Variants in PICALM observed in about 807,000 individuals in gnomAD.
The protein encoded by PICALM is phosphatidylinositol-binding clathrin assembly protein.
Under a neutral mutation model 80.5 loss-of-function variants are expected in PICALM, and 40 were observed. The observed-to-expected ratio is 0.50, with a 90% CI of 0.39 to 0.65. PICALM has a LOEUF of 0.65. Ranked by LOEUF, PICALM falls within the 30% of genes least tolerant of loss-of-function variation. The probability of loss-of-function intolerance (pLI) is 0.00; values close to 1 mark genes in which losing one functional copy is unlikely to be tolerated. For synonymous variants in PICALM, 288 were observed against 260.3 expected (o/e 1.11, Z -1.02); for missense variants, 676 against 778.9 (o/e 0.87, Z 1.57).
chr11:85,957,672 C>A lies in PICALM; in HGVS notation c.*1374G>T. On this transcript the variant is annotated 3_prime_UTR_variant, in exon 20 of 20. Transcript: ENST00000393346. Reference sequence around the variant, plus strand: ...TGAAAATGCATCTCAGACCAGAATACCATAACAAAACTTTTGTGGAAGCTG... The same window carrying A: ...TGAAAATGCATCTCAGACCAGAATAACATAACAAAACTTTTGTGGAAGCTG... 5.0e-6 allele frequency: 1 copy of A among 199,486 alleles called. No homozygotes were observed. Among genetic ancestry groups the A allele is most frequent in the Non-Finnish European group, 1.0e-5 (1 of 96,334 alleles). The allele number at this position is 199,486 out of a possible 1,614,324, so 12.4% of individuals were successfully genotyped here. A position where few individuals can be genotyped will look rare whatever the true frequency, so the allele number is the denominator to read the frequency against.
intron 19 of PICALM, among the ~76,000 whole-genome samples, chr11:85,968,578 T>C (rs188709109): frequency 3.2e-4 from 49 of 152,328 alleles, no homozygotes; most frequent in Admixed American, 1.1e-3. Flanking sequence ...ACTATAACTG[T>C]CTTCATGCTT....
Position 86,004,112 on chromosome 11 carries a change from T to C in PICALM, c.808-661A>G, listed in dbSNP as rs1039769460. Among the ~76,000 whole-genome samples the C allele has an allele frequency of 6.6e-5, 10 of 152,292 alleles. No homozygotes were observed. In the East Asian group the frequency reaches 1.9e-3, roughly 29 times the overall value. ...TACCCCAAAGAGATAAAAACTTATCTCTGTAAGAAAAGACTTAATGTTTAA... is the reference window on the plus strand; with the variant it reads ...TACCCCAAAGAGATAAAAACTTATCCCTGTAAGAAAAGACTTAATGTTTAA... On this transcript the variant is annotated intron_variant, in intron 8 of 19. Transcript: ENST00000393346.
chr11:85,964,166 T>C (rs2093794951), intron 19 of PICALM, among the ~76,000 whole-genome samples: 1 of 152,074 alleles, frequency 6.6e-6, no homozygotes, highest in Non-Finnish European at 1.5e-5. Context: ...CTAGTGGAAT[T>C]AAAAGCTTAT....
intron 4 of PICALM, among the ~76,000 whole-genome samples, chr11:86,015,775 T>C (rs648270): frequency 0.82 from 124,643 of 152,108 alleles, 51,275 homozygotes; most frequent in African/African-American, 0.89. Flanking sequence ...TACTGTTTGG[T>C]TGAGTAACAA....
rs187815819 is a variant in PICALM, at chr11:86,004,397, G to T, written c.808-946C>A. On this transcript the variant is annotated intron_variant, in intron 8 of 19. Transcript: ENST00000393346. ...ATCAAAACAGTGACTGTGGAGGTGG[G>T]TAAGAAGTGACTGGAAGGGGGCATA... Among the ~76,000 whole-genome samples the T allele has an allele frequency of 6.6e-5, 10 of 152,226 alleles. No homozygotes were observed. In the East Asian group the frequency reaches 1.9e-3, roughly 29 times the overall value.
At chr11:86,049,827 T>TAA (rs113468454) in intron 1 of PICALM, among the ~76,000 whole-genome samples, 50 of 140,672 alleles carry the variant, frequency 3.6e-4, no homozygotes, top group African/African-American at 1.2e-3. Context: ...TTAGAGAAGT[T>TAA]AAAAAAAAAA....
intron 1 of PICALM, among the ~76,000 whole-genome samples, chr11:86,057,772 T>C (rs1032476636): frequency 4.6e-5 from 7 of 152,186 alleles, no homozygotes; most frequent in African/African-American, 1.7e-4. Flanking sequence ...GCACTTATAT[T>C]GTATTAGGCA....
chr11:85,992,470 A>T (rs540809514), intron 12 of PICALM, among the ~76,000 whole-genome samples: 30 of 151,872 alleles, frequency 2.0e-4, no homozygotes, highest in Non-Finnish European at 2.9e-5. Flanking sequence ...TTTTTAGTAG[A>T]GACGGGGGTT....
intron 1 of PICALM, among the ~76,000 whole-genome samples, chr11:86,053,350 C>T (rs946575945): frequency 1.3e-5 from 2 of 152,194 alleles, no homozygotes; most frequent in African/African-American, 2.4e-5. Flanking sequence ...GGACCTGTAA[C>T]CAATCAGACT....
intron 1 of PICALM, among the ~76,000 whole-genome samples, chr11:86,059,729 T>TGTG (rs1479867223): frequency 6.6e-6 from 1 of 152,090 alleles, no homozygotes. Context: ...GACACTACAC[T>TGTG]CCAGCTTGGG....
intron 1 of PICALM, among the ~76,000 whole-genome samples, chr11:86,062,556 G>C (rs1164355716): frequency 6.6e-6 from 1 of 151,880 alleles, no homozygotes; most frequent in Non-Finnish European, 1.5e-5. Flanking sequence ...ATGGACTTTG[G>C]GTGGTAAAGA....
intron 3 of PICALM, among the ~76,000 whole-genome samples, chr11:86,025,805 C>T (rs1264106056): frequency 6.6e-6 from 1 of 152,060 alleles, no homozygotes; most frequent in Non-Finnish European, 1.5e-5. Flanking sequence ...GTGACCCACC[C>T]GCCTCAGCCT....
At chr11:86,045,950 G>A (rs577679320) in intron 1 of PICALM, among the ~76,000 whole-genome samples, 9 of 152,072 alleles carry the variant, frequency 5.9e-5, no homozygotes, top group Non-Finnish European at 1.3e-4. Flanking sequence ...TCCTAAACTT[G>A]ACAAACACTG....
chr11:86,011,029 C>A lies in PICALM; in HGVS notation c.765+1G>T. The A allele has an allele frequency of 1.4e-6, 2 of 1,395,928 alleles. No homozygotes were observed. 86.5% of individuals were successfully genotyped at this position (1,395,928 alleles called of 1,614,324 possible). A position where few individuals can be genotyped will look rare whatever the true frequency, so the allele number is the denominator to read the frequency against. ...GAGACAGTCACTTAAAGACAGTTTACCTCTGCAACTTTGAGGAACTCTGAG... is the reference window on the plus strand; with the variant it reads ...GAGACAGTCACTTAAAGACAGTTTAACTCTGCAACTTTGAGGAACTCTGAG... On this transcript the variant is annotated splice_donor_variant, in intron 7 of 19. Coordinates refer to ENST00000393346, the MANE Select transcript of PICALM (RefSeq NM_007166.4). LOFTEE classifies it high-confidence loss of function.
At chr11:86,020,921 A>AGT in intron 4 of PICALM, among the ~76,000 whole-genome samples, 1 of 152,248 alleles carries the variant, frequency 6.6e-6, no homozygotes, top group Non-Finnish European at 1.5e-5. Flanking sequence ...AAAAACACCA[A>AGT]CAAGAAACTG....
chr11:85,968,332 C>G lies in PICALM; in HGVS notation c.1944+6376G>C, dbSNP rs184395573. 3.5e-3 allele frequency among the ~76,000 whole-genome samples: 526 copies of G among 151,548 alleles called. 4 individuals carry two copies. Among genetic ancestry groups the G allele is most frequent in the African/African-American group, 0.012 (508 of 41,282 alleles). On this transcript the variant is annotated intron_variant, in intron 19 of 19. Coordinates refer to ENST00000393346, the MANE Select transcript of PICALM (RefSeq NM_007166.4). The stretch of plus-strand genomic sequence containing the variant: ...CAAACAAAAACAACAAAAAAGAAAC[C>G]AACAGTTAATTTTAAAATTAAATGC...
At chr11:86,033,073 A>G (rs529356891) in intron 1 of PICALM, among the ~76,000 whole-genome samples, 1 of 152,358 alleles carries the variant, frequency 6.6e-6, no homozygotes, top group East Asian at 1.9e-4. Flanking sequence ...ATGAAACAGT[A>G]AATCCAACTT....
intron 2 of PICALM, among the ~76,000 whole-genome samples, chr11:86,028,432 T>G (rs560865888): frequency 2.0e-5 from 3 of 152,360 alleles, no homozygotes; most frequent in African/African-American, 7.2e-5. Flanking sequence ...TATTTCAGAT[T>G]ATTTTACCCA....
rs2095648479 is a variant in PICALM at position 86,026,278 on chromosome 11, A to G, written c.349+14T>C. 7.0e-7 allele frequency: 1 copy of G among 1,436,620 alleles called. No homozygotes were observed. The highest frequency in any genetic ancestry group is 1.4e-5 in the African/African-American group (1 of 71,602). The allele number at this position is 1,436,620 out of a possible 1,614,324, so 89.0% of individuals were successfully genotyped here. On this transcript the variant is annotated intron_variant, in intron 3 of 19. Transcript: ENST00000393346. The stretch of plus-strand genomic sequence containing the variant: ...CATTCTTTTGATTTTCTATAATGTA[A>G]AAGTTATCTTTACCTTGCAATCCAC...
Sources: gnomAD v4.1 joint callset for allele counts (sites outside exome capture counted in the v4.1 genomes callset) on GRCh38, gnomAD v4.1.1 for gene constraint, MANE v1.5 for transcripts, NCBI Gene and HGNC (gene_info 2026-07-23, HGNC 2026-07-21) for gene names.